EIF4G3: variants seen among roughly 807,000 people sequenced by gnomAD.
EIF4G3 encodes the protein eIF-4-gamma 3.
A neutral mutation model predicts 186.4 loss-of-function variants in EIF4G3; 34 were observed. That is an observed-to-expected ratio of 0.18 (90% confidence interval 0.14 to 0.24). EIF4G3 has a LOEUF of 0.24. Ranked by LOEUF, EIF4G3 falls within the 10% of genes least tolerant of loss-of-function variation. The pLI, the probability that EIF4G3 is intolerant of heterozygous loss-of-function variation, is 1.00. For synonymous variants in EIF4G3, 673 were observed against 679.5 expected (o/e 0.99, Z 0.15); for missense variants, 1,536 against 1,948.5 (o/e 0.79, Z 3.99).
In EIF4G3 at chr1:20,968,497, G is replaced by C. The variant is rs775509762; in HGVS notation, c.714+977C>G. Among the ~76,000 whole-genome samples the C allele has an allele frequency of 1.3e-4, 20 of 152,188 alleles. No individual in the cohort carries two copies. In the South Asian group the frequency reaches 2.7e-3, roughly 21 times the overall value. ...CGCCCGGCCTTGAAATACAAATCTT[G>C]TCAGATTTGCGGAATCTAATCTCTA... On this transcript the variant is annotated intron_variant, in intron 12 of 36. Coordinates refer to ENST00000602326, the MANE Select transcript of EIF4G3 (RefSeq NM_001391906.1).
At chr1:21,028,950 G>A (rs1281194008) in intron 4 of EIF4G3, among the ~76,000 whole-genome samples, 2 of 152,170 alleles carry the variant, frequency 1.3e-5, no homozygotes. Flanking sequence ...CATGATCACA[G>A]CTCATCGTAA....
chr1:21,120,388 G>A (rs543904776), intron 2 of EIF4G3, among the ~76,000 whole-genome samples: 1 of 151,948 alleles, frequency 6.6e-6, no homozygotes, highest in East Asian at 1.9e-4. Context: ...ATGTCCAGGC[G>A]CAGTGGCTCA....
At chr1:21,068,356 CAGAGTGAAACTCTGTCTTTAAAA>C (rs2095324409) in intron 3 of EIF4G3, among the ~76,000 whole-genome samples, 1 of 107,064 alleles carries the variant, frequency 9.3e-6, no homozygotes, top group African/African-American at 3.5e-5. Flanking sequence ...GTCTGGGCGA[CAGAGTGAAACTCTGTCTTTAAAA>C]AAAAAAAAAA....
rs2059607902 is a variant in EIF4G3 at position 20,813,219 on chromosome 1, C to T, written c.4536G>A (p.Gln1512=). 3 of 1,613,592 alleles carry T rather than the reference C, an allele frequency of 1.9e-6. No homozygotes were observed. Among genetic ancestry groups the T allele is most frequent in the Non-Finnish European group, 2.5e-6 (3 of 1,179,750 alleles). The change falls in exon 35 of 37, where the codon CAG becomes CAA. Residue 1512 remains glutamine (Q), a synonymous_variant. Coordinates refer to ENST00000602326, the MANE Select transcript of EIF4G3 (RefSeq NM_001391906.1). The stretch of plus-strand genomic sequence containing the variant: ...CTCTAAGGAATGTAGGTGAACTCAT[C>T]TGGATTTCGTCTAGATTAGCCTGAA... ...DWVEANLDEI[Q]MSSPTFLRAL...
chr1:20,827,468 T>C (rs962406425), intron 32 of EIF4G3, 149 bp downstream of exon 32: 2 of 386,646 alleles, frequency 5.2e-6, no homozygotes, highest in Admixed American at 8.6e-5. Context: ...GAAGGACAAA[T>C]GCACCTCAGA....
At position 20,893,538 on chromosome 1, in the gene EIF4G3, T is replaced by C. The variant is rs1344805165; in HGVS notation, c.2232A>G (p.Thr744=). The part of the protein sequence containing the change: ...TPAFADFGRQ[T]PGGRGVPLLN... ...TTACAGGTACGCCTCTTCCACCAGG[T>C]GTCTGCCTTCCAAAATCAGCAAAGG... The change falls in exon 18 of 37, where the codon ACA becomes ACG. Residue 744 remains threonine (T), a synonymous_variant. Transcript: ENST00000602326. 2.5e-6 allele frequency: 4 copies of C among 1,602,954 alleles called. No individual in the cohort carries two copies. Among genetic ancestry groups the C allele is most frequent in the Non-Finnish European group, 3.4e-6 (4 of 1,171,798 alleles).
chr1:20,858,250 C>G (rs1370722536), intron 24 of EIF4G3, among the ~76,000 whole-genome samples: 1 of 152,180 alleles, frequency 6.6e-6, no homozygotes, highest in Non-Finnish European at 1.5e-5. Context: ...TACAAATGGC[C>G]TCTAAATAAT....
In EIF4G3 at chr1:20,898,638, T is replaced by A. The variant is rs369514484; in HGVS notation, c.1999+1059A>T. On this transcript the variant is annotated intron_variant, in intron 16 of 36. Transcript: ENST00000602326. ...GAAAAATATTGATCTAGATTACCTTTGAGGTCTGGTATTTTACACTCAAAC... is the reference window on the plus strand; with the variant it reads ...GAAAAATATTGATCTAGATTACCTTAGAGGTCTGGTATTTTACACTCAAAC... 3.0e-4 allele frequency among the ~76,000 whole-genome samples: 46 copies of A among 152,362 alleles called. 1 individual carries two copies. Among genetic ancestry groups the A allele is most frequent in the African/African-American group, 1.0e-3 (42 of 41,588 alleles).
At chr1:21,036,486 A>T (rs993618601) in intron 4 of EIF4G3, among the ~76,000 whole-genome samples, 1 of 152,220 alleles carries the variant, frequency 6.6e-6, no homozygotes, top group Non-Finnish European at 1.5e-5. Flanking sequence ...ATGAATCATC[A>T]TCTCTCATTA....
chr1:21,105,567 A>C (rs2096602792), intron 2 of EIF4G3, among the ~76,000 whole-genome samples: 1 of 152,252 alleles, frequency 6.6e-6, no homozygotes, highest in Admixed American at 6.5e-5. Flanking sequence ...ATAAAAAATA[A>C]AATAGTGAAA....
chr1:21,067,059 T>C (rs2095267904), intron 3 of EIF4G3, among the ~76,000 whole-genome samples: 2 of 152,086 alleles, frequency 1.3e-5, no homozygotes, highest in African/African-American at 4.8e-5. Flanking sequence ...CATACCCTTG[T>C]ATCTTTAAGG....
chr1:20,868,228 C>T (rs1342662404), intron 20 of EIF4G3, among the ~76,000 whole-genome samples: 1 of 150,858 alleles, frequency 6.6e-6, no homozygotes, highest in Non-Finnish European at 1.5e-5. Flanking sequence ...GAGTGGATAC[C>T]TTAATCTGCT....
chr1:21,025,242 G>A (rs1365187243), intron 4 of EIF4G3, among the ~76,000 whole-genome samples: 1 of 152,142 alleles, frequency 6.6e-6, no homozygotes, highest in African/African-American at 2.4e-5. Flanking sequence ...TAAAAAGACG[G>A]GTCAAGTAAG....
At chr1:21,038,796 A>G (rs1196306376) in intron 4 of EIF4G3, among the ~76,000 whole-genome samples, 1 of 152,192 alleles carries the variant, frequency 6.6e-6, no homozygotes, top group East Asian at 1.9e-4. Flanking sequence ...TATTAAGGTG[A>G]ATACTACATC....
intron 18 of EIF4G3, among the ~76,000 whole-genome samples, chr1:20,891,736 G>A (rs1259352471): frequency 6.6e-6 from 1 of 151,442 alleles, no homozygotes; most frequent in African/African-American, 2.4e-5. Context: ...CTTGCAGTGA[G>A]TGGAGATCAC....
chr1:21,088,518 T>C (rs1256738228), intron 3 of EIF4G3, among the ~76,000 whole-genome samples: 1 of 152,016 alleles, frequency 6.6e-6, no homozygotes, highest in African/African-American at 2.4e-5. Flanking sequence ...ATTTAAAGTT[T>C]AGAAAATGTA....
At chr1:20,815,028 G>C (rs919089524) in intron 34 of EIF4G3, among the ~76,000 whole-genome samples, 2 of 73,874 alleles carry the variant, frequency 2.7e-5, no homozygotes, top group African/African-American at 9.8e-5. Context: ...CGAGTGATCC[G>C]CCAGCCTCGG....
intron 4 of EIF4G3, among the ~76,000 whole-genome samples, chr1:21,006,344 T>C (rs1426068699): frequency 6.6e-6 from 1 of 152,226 alleles, no homozygotes; most frequent in African/African-American, 2.4e-5. Context: ...GACAGATCAA[T>C]GAAGGATCAT....
At chr1:20,923,765 C>T (rs1231143629) in intron 14 of EIF4G3, among the ~76,000 whole-genome samples, 1 of 151,138 alleles carries the variant, frequency 6.6e-6, no homozygotes, top group Non-Finnish European at 1.5e-5. Flanking sequence ...TACACTCTAA[C>T]AGGGACCATC....
Sources: allele counts gnomAD v4.1 joint callset (sites outside exome capture counted in the v4.1 genomes callset), GRCh38; gene constraint gnomAD v4.1.1; transcripts MANE v1.5; gene names NCBI Gene and HGNC (gene_info 2026-07-23, HGNC 2026-07-21).